The following MTRF1 variants were observed in gnomAD, a reference collection of about 807,000 sequenced individuals.
MTRF1 encodes peptide chain release factor 1, mitochondrial.
Under a neutral mutation model 62.9 loss-of-function variants are expected in MTRF1, and 51 were observed. The ratio of observed to expected loss-of-function variants is 0.81; its 90% CI spans 0.65 to 1.02. MTRF1 has a LOEUF of 1.02. Ranked by LOEUF, MTRF1 falls within the 50% of genes least tolerant of loss-of-function variation. The pLI, the probability that MTRF1 is intolerant of heterozygous loss-of-function variation, is 0.00. For synonymous variants in MTRF1, 158 were observed against 181.9 expected (o/e 0.87, Z 1.06); for missense variants, 446 against 530.0 (o/e 0.84, Z 1.56).
upstream of MTRF1, among the ~76,000 whole-genome samples, chr13:41,268,074 C>A (rs76744757): frequency 4.5e-4 from 69 of 152,218 alleles, no homozygotes; most frequent in African/African-American, 1.6e-3. Context: ...AAACAAATTT[C>A]TTATTATTCT....
At chr13:41,272,061 C>G in the MTRF1 span, among the ~76,000 whole-genome samples, 5 of 152,166 alleles carry the variant, frequency 3.3e-5, no homozygotes, top group African/African-American at 1.2e-4. Context: ...ATGCCACAGT[C>G]AAATCCTCTC....
the MTRF1 span, chr13:41,288,311 T>A: frequency 3.5e-6 from 1 of 284,070 alleles, no homozygotes; most frequent in Non-Finnish European, 6.9e-6. Context: ...ACACACTTGA[T>A]GGCTTGCACC....
chr13:41,232,548 G>A (rs1031030813), intron 7 of MTRF1, among the ~76,000 whole-genome samples: 2 of 152,172 alleles, frequency 1.3e-5, no homozygotes, highest in South Asian at 2.1e-4. Context: ...TGAAATGATC[G>A]ATGAAGTGTG....
intron 5 of MTRF1, among the ~76,000 whole-genome samples, chr13:41,242,132 T>C (rs1466623264): frequency 6.6e-6 from 1 of 152,252 alleles, no homozygotes; most frequent in East Asian, 1.9e-4. Context: ...CCAACGTTTT[T>C]TTTTTGTAAT....
intron 5 of MTRF1, among the ~76,000 whole-genome samples, chr13:41,247,808 T>C (rs181336925): frequency 6.6e-6 from 1 of 152,064 alleles, no homozygotes; most frequent in African/African-American, 2.4e-5. Flanking sequence ...ATTCTGGAAC[T>C]GGGGAAAAAA....
chr13:41,287,199 T>G, the MTRF1 span, among the ~76,000 whole-genome samples: 1 of 152,180 alleles, frequency 6.6e-6, no homozygotes. Flanking sequence ...GGTTTTGCAG[T>G]GTGCAAGCAT....
At chr13:41,226,396 AAC>A in intron 8 of MTRF1, 34 bp downstream of exon 8, 1 of 1,586,094 alleles carries the variant, frequency 6.3e-7, no homozygotes, top group Non-Finnish European at 8.5e-7. Flanking sequence ...CTTTTCTTTA[AAC>A]AGTCACTAAA....
the MTRF1 span, among the ~76,000 whole-genome samples, chr13:41,292,652 C>T: frequency 6.8e-6 from 1 of 146,342 alleles, no homozygotes; most frequent in African/African-American, 2.5e-5. Context: ...ATTGATTTTA[C>T]AAAAATCAAA....
the MTRF1 span, among the ~76,000 whole-genome samples, chr13:41,269,199 G>GTTTTTTTTTTTTTTTTTTTTTTTGT: frequency 1.9e-4 from 13 of 68,700 alleles, no homozygotes; most frequent in East Asian, 3.7e-4. Context: ...TTTTTTTTTG[G>GTTTTTTTTTTTTTTTTTTTTTTTGT]TTTTTTTTTT....
intron 2 of MTRF1, among the ~76,000 whole-genome samples, chr13:41,260,221 G>A (rs9525467): frequency 8.6e-5 from 13 of 151,800 alleles, no homozygotes; most frequent in East Asian, 1.9e-4. Context: ...TAATCATATC[G>A]CTTTGGAAAG....
chr13:41,240,452 A>G lies in MTRF1; in HGVS notation c.698-19T>C, dbSNP rs1043227607. 8 of 1,606,298 alleles carry G rather than the reference A, an allele frequency of 5.0e-6. No homozygotes were observed. Among genetic ancestry groups the G allele is most frequent in the Non-Finnish European group, 6.0e-6 (7 of 1,176,080 alleles). ...AGTCCACCTAGGGGAACAACAATCC[A>G]GAAATAGTAATGAATTATCCTTTGA... is the stretch of plus-strand genomic sequence containing the variant. On this transcript the variant is annotated intron_variant, in intron 5 of 9. Coordinates refer to ENST00000379480, the MANE Select transcript of MTRF1 (RefSeq NM_004294.4).
At chr13:41,311,986 G>C in the MTRF1 span, among the ~76,000 whole-genome samples, 1 of 152,216 alleles carries the variant, frequency 6.6e-6, no homozygotes, top group South Asian at 2.1e-4. Flanking sequence ...GGTGTTTTGC[G>C]TTCTGCATTC....
At chr13:41,220,323 G>GAAAAAAAAAAAAAA (rs1555243201) in intron 9 of MTRF1, among the ~76,000 whole-genome samples, 2 of 93,326 alleles carry the variant, frequency 2.1e-5, no homozygotes, top group Non-Finnish European at 2.0e-5. Flanking sequence ...AATCTGTCTC[G>GAAAAAAAAAAAAAA]GAAAAAAAAA....
Position 41,216,988 on chromosome 13 carries a change from A to G in MTRF1, c.*127T>C, listed in dbSNP as rs1475080571. On this transcript the variant is annotated 3_prime_UTR_variant, in exon 10 of 10. Coordinates refer to ENST00000379480, the MANE Select transcript of MTRF1 (RefSeq NM_004294.4). The stretch of plus-strand genomic sequence containing the variant: ...GTGACTTCGATTAATTACAAAACAT[A>G]TATTTATGTGTAATGTGTTCTTAAA... 6 of 505,456 alleles carry G rather than the reference A, an allele frequency of 1.2e-5. No individual in the cohort carries two copies. In the East Asian group the frequency reaches 1.9e-4, roughly 16 times the overall value. 31.3% of individuals were successfully genotyped at this position (505,456 alleles called of 1,614,324 possible).
In MTRF1 at chr13:41,240,245, C is replaced by T. The variant is rs758074856; in HGVS notation, c.870+16G>A. The T allele has an allele frequency of 6.3e-7, 1 of 1,590,654 alleles. No individual in the cohort carries two copies. Among genetic ancestry groups the T allele is most frequent in the South Asian group, 1.1e-5 (1 of 88,150 alleles). ...TTGACATGGAGTGAGTTTCCCTTGCCTCCTCCTGAGGTTACCTCATCTGGC... is the reference window on the plus strand; with the variant it reads ...TTGACATGGAGTGAGTTTCCCTTGCTTCCTCCTGAGGTTACCTCATCTGGC... On this transcript the variant is annotated intron_variant, in intron 6 of 9. Coordinates refer to ENST00000379480, the MANE Select transcript of MTRF1 (RefSeq NM_004294.4).
In MTRF1 at chr13:41,223,295, G is replaced by C. The variant is rs2033775132; in HGVS notation, c.1185C>G (p.Val395=). The change falls in exon 9 of 10, where the codon GTC becomes GTG. Residue 395 remains valine, a synonymous_variant. Transcript: ENST00000379480. Reference sequence around the variant, plus strand: ...CTTCATATGCTATCCTGTGGTCACTGACTCTATCCTGGGTGAAATTATATG... The same window carrying C: ...CTTCATATGCTATCCTGTGGTCACTCACTCTATCCTGGGTGAAATTATATG... ...IRTYNFTQDR[V]SDHRIAYEVR... is the part of the protein sequence containing the mutation. The C allele has an allele frequency of 1.2e-6, 2 of 1,613,962 alleles. No individual in the cohort carries two copies. Among genetic ancestry groups the C allele is most frequent in the Non-Finnish European group, 1.7e-6 (2 of 1,179,942 alleles).
At chr13:41,261,186 T>C in intron 1 of MTRF1, 1 of 243,446 alleles carries the variant, frequency 4.1e-6, no homozygotes, top group South Asian at 7.5e-5. Context: ...ATACAAAAAT[T>C]ATCCGGGCGT....
intron 2 of MTRF1, 131 bp from the exon 3 acceptor site, chr13:41,254,751 T>C (rs948752039): frequency 3.5e-6 from 2 of 565,358 alleles, no homozygotes; most frequent in Non-Finnish European, 6.0e-6. Context: ...CAAAGGAACA[T>C]TTAGAATATT....
At chr13:41,240,461 A>G (rs776015443) in intron 5 of MTRF1, 28 bp from the exon 6 acceptor site, 1 of 1,602,338 alleles carries the variant, frequency 6.2e-7, no homozygotes, top group Admixed American at 1.7e-5. Flanking sequence ...CAGAAATAGT[A>G]ATGAATTATC....
Sources: allele counts gnomAD v4.1 joint callset (sites outside exome capture counted in the v4.1 genomes callset), GRCh38; gene constraint gnomAD v4.1.1; transcripts MANE v1.5; gene names NCBI Gene and HGNC (gene_info 2026-07-23, HGNC 2026-07-21).